Variants in RUFY4 observed in about 807,000 individuals in gnomAD.
RUFY4 encodes RUN and FYVE domain containing 4.
A neutral mutation model predicts 69.0 loss-of-function variants in RUFY4; 73 were observed. The ratio of observed to expected loss-of-function variants is 1.06; its 90% CI spans 0.88 to 1.29. RUFY4 has a LOEUF of 1.29. Among genes scored for constraint, RUFY4 ranks in the 50% most tolerant of loss-of-function variants. The pLI is 0.00. For synonymous variants in RUFY4, 287 were observed against 271.8 expected (o/e 1.06, Z -0.55); for missense variants, 770 against 705.6 (o/e 1.09, Z -1.03).
intron 2 of RUFY4, among the ~76,000 whole-genome samples, chr2:218,035,788 C>T (rs760557476): frequency 1.3e-5 from 2 of 152,216 alleles, no homozygotes; most frequent in South Asian, 2.1e-4. Flanking sequence ...CCCCCACACA[C>T]GCAGCATCTG....
intron 3 of RUFY4, chr2:218,060,711 C>T (rs138567499): frequency 2.9e-5 from 40 of 1,368,596 alleles, no homozygotes; most frequent in African/African-American, 1.7e-4. Flanking sequence ...CCTTAAACAG[C>T]GTATGCAGGG....
chr2:218,056,229 G>GTTTTTT (rs796703457), intron 2 of RUFY4, among the ~76,000 whole-genome samples: 5 of 128,794 alleles, frequency 3.9e-5, no homozygotes, highest in African/African-American at 5.7e-5. Context: ...GCTGGTTGTT[G>GTTTTTT]TTTTTTTTTT....
At chr2:218,036,921 A>G (rs1306981842) in intron 2 of RUFY4, among the ~76,000 whole-genome samples, 1 of 152,240 alleles carries the variant, frequency 6.6e-6, no homozygotes, top group Non-Finnish European at 1.5e-5. Flanking sequence ...TCCAGCTTAT[A>G]AGGCTTCAGG....
chr2:218,056,004 G>A (rs1232164586), intron 2 of RUFY4, among the ~76,000 whole-genome samples: 1 of 152,126 alleles, frequency 6.6e-6, no homozygotes, highest in African/African-American at 2.4e-5. Context: ...AAATCCTTCA[G>A]TCCACCTGGA....
chr2:218,044,950 T>C (rs1268244318), intron 2 of RUFY4, among the ~76,000 whole-genome samples: 2 of 152,230 alleles, frequency 1.3e-5, no homozygotes, highest in Admixed American at 6.5e-5. Flanking sequence ...CCTTTGTGTG[T>C]ATACCCAGTA....
At chr2:218,042,733 G>A (rs570285929) in intron 2 of RUFY4, among the ~76,000 whole-genome samples, 12 of 152,074 alleles carry the variant, frequency 7.9e-5, no homozygotes, top group African/African-American at 2.9e-4. Flanking sequence ...TGAAGGGCTC[G>A]GGAAAGGGGC....
chr2:218,081,634 C>G (rs1232103618), intron 8 of RUFY4, among the ~76,000 whole-genome samples: 1 of 152,168 alleles, frequency 6.6e-6, no homozygotes, highest in Non-Finnish European at 1.5e-5. Context: ...CCACGGTGAT[C>G]ACATTAAGGG....
chr2:218,089,199 A>C, intron 9 of RUFY4, 53 bp from the exon 12 acceptor site: 1 of 1,427,930 alleles, frequency 7.0e-7, no homozygotes, highest in Non-Finnish European at 9.7e-7. Flanking sequence ...TCCCATTTCT[A>C]TCTTTTGATC....
intron 2 of RUFY4, among the ~76,000 whole-genome samples, chr2:218,050,504 G>A (rs1330051012): frequency 6.6e-6 from 1 of 152,162 alleles, no homozygotes; most frequent in Non-Finnish European, 1.5e-5. Flanking sequence ...GTGGGAATAA[G>A]AGCTATAACC....
At chr2:218,075,399 A>C (rs2106056219) in exon 7 of RUFY4, 1 of 1,613,208 alleles carries the variant, frequency 6.2e-7, no homozygotes, top group Non-Finnish European at 8.5e-7. Flanking sequence ...GAAGGGGGCT[A>C]TGGGCACTCA....
Position 218,089,946 on chromosome 2 carries a change from T to C in RUFY4, c.1614-6T>C, listed in dbSNP as rs80044595. ...CGCCCCAGGCTTTCCTGCCTCTGCC[T>C]TCCAGGCTCTGTGGAGGCCTGCTCT... On this transcript the variant is annotated splice_region_variant and splice_polypyrimidine_tract_variant and intron_variant, in intron 10 of 10. Coordinates refer to ENST00000344321, the Ensembl canonical transcript of RUFY4. 21,225 of 1,554,662 alleles carry C rather than the reference T, an allele frequency of 0.014. 264 individuals are homozygous for C. Among genetic ancestry groups the C allele is most frequent in the South Asian group, 0.045 (3,759 of 83,602 alleles).
At chr2:218,077,702 T>C (rs1258271454) in intron 8 of RUFY4, among the ~76,000 whole-genome samples, 1 of 152,188 alleles carries the variant, frequency 6.6e-6, no homozygotes, top group Non-Finnish European at 1.5e-5. Context: ...TAGCTGTGAT[T>C]CAGCCTGAAT....
chr2:218,041,046 G>A (rs79716605), intron 2 of RUFY4, among the ~76,000 whole-genome samples: 1 of 151,728 alleles, frequency 6.6e-6, no homozygotes, highest in East Asian at 1.9e-4. Context: ...CTGAAAGGAC[G>A]TTTACACTTC....
At chr2:218,052,745 T>TTAA (rs1553631723) in intron 2 of RUFY4, among the ~76,000 whole-genome samples, 17 of 144,802 alleles carry the variant, frequency 1.2e-4, no homozygotes, top group African/African-American at 4.4e-4. Context: ...TTTTTTTTTT[T>TTAA]AAAAAAAAAA....
In RUFY4 at chr2:218,044,974, G is replaced by A. The variant is rs539787399; in HGVS notation, c.-1158+9580G>A. Reference sequence around the variant, plus strand: ...GTATACCCAGTAATGGAATTGCTGGGTAGAATTGTATTTGTGTTTTTCGGT... The same window carrying A: ...GTATACCCAGTAATGGAATTGCTGGATAGAATTGTATTTGTGTTTTTCGGT... On this transcript the variant is annotated intron_variant and NMD_transcript_variant, in intron 2 of 13. Coordinates refer to the RUFY4 transcript ENST00000457754. Among the ~76,000 whole-genome samples the A allele has an allele frequency of 9.8e-5, 15 of 152,292 alleles. No individual in the cohort carries two copies. The East Asian group carries it at 2.9e-3, about 29-fold the overall frequency.
At chr2:218,059,077 C>T (rs1203581403) in intron 3 of RUFY4, 1 of 152,266 alleles carries the variant, frequency 6.6e-6, no homozygotes, top group East Asian at 1.9e-4. Context: ...CACCCAAGAC[C>T]TCTGCTCACT....
intron 2 of RUFY4, among the ~76,000 whole-genome samples, chr2:218,058,295 G>A (rs955367815): frequency 6.6e-5 from 10 of 152,154 alleles, no homozygotes; most frequent in South Asian, 4.1e-4. Flanking sequence ...CATTTTCATT[G>A]TGAATAGCAT....
At chr2:218,081,417 A>G (rs1689756974) in intron 8 of RUFY4, among the ~76,000 whole-genome samples, 1 of 151,506 alleles carries the variant, frequency 6.6e-6, no homozygotes, top group Non-Finnish European at 1.5e-5. Context: ...CTCTCCAAGA[A>G]CCCTCCCTGG....
chr2:218,067,863 G>A (rs568355294), upstream of RUFY4, among the ~76,000 whole-genome samples: 14 of 152,304 alleles, frequency 9.2e-5, no homozygotes, highest in African/African-American at 1.4e-4. Flanking sequence ...CCCCTCATCC[G>A]TGTCAAAGCT....
Sources: gnomAD v4.1 joint callset for allele counts (sites outside exome capture counted in the v4.1 genomes callset) on GRCh38, gnomAD v4.1.1 for gene constraint, MANE v1.5 for transcripts, NCBI Gene and HGNC (gene_info 2026-07-23, HGNC 2026-07-21) for gene names.